TOPBP1: variants seen among roughly 807,000 people sequenced by gnomAD.
TOPBP1 encodes DNA topoisomerase 2-binding protein 1.
In TOPBP1, 28 loss-of-function variants were observed where a neutral mutation model predicts 167.7. That is an observed-to-expected ratio of 0.17 (90% CI 0.12 to 0.23). The LOEUF (loss-of-function observed/expected upper bound fraction) is 0.23, where lower values mean the gene tolerates loss of function less well. TOPBP1 is among the 10% of genes least tolerant of loss of function. The pLI, the probability that TOPBP1 is intolerant of heterozygous loss-of-function variation, is 1.00. For missense variants in TOPBP1, 1,554 were observed against 1,809.6 expected (o/e 0.86, Z 2.56); for synonymous variants, 598 against 611.4 (o/e 0.98, Z 0.32).
chr3:133,658,624 C>T (rs534452537), intron 3 of TOPBP1, among the ~76,000 whole-genome samples: 1 of 152,194 alleles, frequency 6.6e-6, no homozygotes, highest in Non-Finnish European at 1.5e-5. Context: ...GCCTGGCCAA[C>T]ATCGAGAAAC....
At chr3:133,635,999 T>TA (rs952210828) in intron 14 of TOPBP1, among the ~76,000 whole-genome samples, 89 of 145,206 alleles carry the variant, frequency 6.1e-4, no homozygotes, top group Middle Eastern at 3.4e-3. Flanking sequence ...TAAAGAACAA[T>TA]AAAAAAAAAA....
chr3:133,616,445 C>T (rs547057142), intron 23 of TOPBP1, among the ~76,000 whole-genome samples: 1 of 152,084 alleles, frequency 6.6e-6, no homozygotes, highest in African/African-American at 2.4e-5. Flanking sequence ...TAACTGGAAA[C>T]AAACAAACAA....
At chr3:133,608,455 G>A in intron 27 of TOPBP1, 80 bp downstream of exon 27, 4 of 1,481,988 alleles carry the variant, frequency 2.7e-6, no homozygotes, top group Non-Finnish European at 3.7e-6. Flanking sequence ...ATGAGCTGAA[G>A]GTTTTGTTGT....
At position 133,608,574 on chromosome 3, in the gene TOPBP1, G is replaced by A. The variant is rs1217176085; in HGVS notation, c.4386C>T (p.Tyr1462=). The change falls in exon 27 of 28, where the codon TAC becomes TAT. Residue 1462 remains tyrosine (Y), a synonymous_variant. Coordinates refer to ENST00000260810, the MANE Select transcript of TOPBP1 (RefSeq NM_007027.4). The stretch of plus-strand genomic sequence containing the variant: ...CAGCAATGTATTCTGTTCTCAAGCA[G>A]TACACGTTCTGGGCAGCAGCTTCTG... ...NIAEAAAQNV[Y]CLRTEYIADY... The A allele has an allele frequency of 6.2e-7, 1 of 1,613,818 alleles. No individual in the cohort carries two copies. The highest frequency in any genetic ancestry group is 1.1e-5 in the South Asian group (1 of 91,082).
chr3:133,607,717 G>C (rs547856971), intron 27 of TOPBP1, among the ~76,000 whole-genome samples: 23 of 152,220 alleles, frequency 1.5e-4, no homozygotes, highest in African/African-American at 5.5e-4. Flanking sequence ...ATACTACTCA[G>C]CAATAAAAAG....
intron 10 of TOPBP1, among the ~76,000 whole-genome samples, chr3:133,647,789 C>T (rs964260647): frequency 2.0e-5 from 3 of 151,528 alleles, no homozygotes; most frequent in Admixed American, 6.6e-5. Context: ...TAGGCAATAG[C>T]GGAAGAGATG....
At chr3:133,626,139 G>T (rs1935260435) in intron 16 of TOPBP1, among the ~76,000 whole-genome samples, 1 of 152,180 alleles carries the variant, frequency 6.6e-6, no homozygotes. Flanking sequence ...TTTTGCAACT[G>T]CTCAACTTTT....
In TOPBP1 at chr3:133,644,229, T is replaced by C; in HGVS notation, c.1639A>G (p.Ile547Val). ...VSHCVPDVSTITEEGLFSQKS... is the reference protein window; with the variant it reads ...VSHCVPDVSTVTEEGLFSQKS... ...TGGCTAAATAAGCCTTCTTCAGTAA[T>C]TGTAGAAACATCAGGGACACAATGA... The change falls in exon 11 of 28, where the codon ATT (isoleucine) becomes GTT (valine). Residue 547 changes from isoleucine (I) to valine (V), a missense_variant. Ile to Val is a conservative substitution (Grantham distance 29, BLOSUM62 3). Transcript: ENST00000260810. 3 of 1,613,904 alleles carry C rather than the reference T, an allele frequency of 1.9e-6. No individual in the cohort carries two copies. The highest frequency in any genetic ancestry group is 1.7e-4 in the Middle Eastern group (1 of 6,060).
At chr3:133,603,399 T>C (rs1221512419) in intron 27 of TOPBP1, among the ~76,000 whole-genome samples, 3 of 151,348 alleles carry the variant, frequency 2.0e-5, no homozygotes, top group African/African-American at 7.3e-5. Flanking sequence ...TCCAATCATA[T>C]CAATAATTAC....
intron 14 of TOPBP1, among the ~76,000 whole-genome samples, chr3:133,629,224 C>T (rs1180672970): frequency 6.6e-6 from 1 of 152,114 alleles, no homozygotes; most frequent in Non-Finnish European, 1.5e-5. Flanking sequence ...CAGTTCCCTC[C>T]TGAAAGGAAG....
chr3:133,661,080 A>G lies in TOPBP1; in HGVS notation c.48T>C (p.Ser16=). The G allele has an allele frequency of 6.2e-7, 1 of 1,602,034 alleles. No individual in the cohort carries two copies. Among genetic ancestry groups the G allele is most frequent in the Non-Finnish European group, 8.5e-7 (1 of 1,175,466 alleles). Reference sequence around the variant, plus strand: ...TAAAAAAACATTTGGAATTGTCTGAAGACTTTAAAAACTTCACAAAAAACG... The same window carrying G: ...TAAAAAAACATTTGGAATTGTCTGAGGACTTTAAAAACTTCACAAAAAACG... ...KEPFFVKFLK[S]SDNSKCFFKA... is the part of the protein sequence containing the mutation. Residue 16 remains serine (S), a synonymous_variant, in exon 2 of 28, where the codon TCT becomes TCC. Transcript: ENST00000260810.
chr3:133,618,068 A>C (rs1005503411), intron 21 of TOPBP1, 145 bp downstream of exon 21: 19 of 651,674 alleles, frequency 2.9e-5, no homozygotes, highest in Non-Finnish European at 1.3e-5. Context: ...TTTCTGGCTC[A>C]AGTTTAAACC....
At chr3:133,639,201 G>C (rs528466799) in intron 13 of TOPBP1, among the ~76,000 whole-genome samples, 3 of 152,196 alleles carry the variant, frequency 2.0e-5, no homozygotes, top group Admixed American at 2.0e-4. Flanking sequence ...GCAAAGACTT[G>C]GAACCAACCC....
At chr3:133,659,527 C>T (rs1001324837) in intron 2 of TOPBP1, among the ~76,000 whole-genome samples, 7 of 152,110 alleles carry the variant, frequency 4.6e-5, no homozygotes, top group African/African-American at 1.7e-4. Flanking sequence ...TATTCTATTC[C>T]AGCCACTCCC....
At chr3:133,625,475 G>A (rs540656366) in intron 16 of TOPBP1, among the ~76,000 whole-genome samples, 1 of 152,322 alleles carries the variant, frequency 6.6e-6, no homozygotes, top group East Asian at 1.9e-4. Context: ...GCTCATGCCT[G>A]TAATTCCAGT....
chr3:133,612,915 T>C (rs1229494014), intron 23 of TOPBP1, among the ~76,000 whole-genome samples: 1 of 152,154 alleles, frequency 6.6e-6, no homozygotes, highest in Non-Finnish European at 1.5e-5. Context: ...TCACCCAGAC[T>C]GGAGTGCAGT....
At position 133,601,381 on chromosome 3, in the gene TOPBP1, G is replaced by C; in HGVS notation, c.4438C>G (p.His1480Asp). 6.5e-7 allele frequency: 1 copy of C among 1,535,740 alleles called. No individual in the cohort carries two copies. The highest frequency in any genetic ancestry group is 8.8e-7 in the Non-Finnish European group (1 of 1,141,026). Residue 1480 changes from histidine to aspartate, a missense_variant, in exon 28 of 28, where the codon CAT (histidine) becomes GAT (aspartate). By Grantham distance (81) the His-to-Asp change is moderately conservative. This residue lies in a region of TOPBP1 where 351 missense variants were observed against 432.9 expected (regional missense o/e 0.81). Coordinates refer to ENST00000260810, the MANE Select transcript of TOPBP1 (RefSeq NM_007027.4). ...TCTGGTAGACAGTAATTTTCTACAT[G>C]AGGAGGTGATTCCTATAAAAGGAAA... ...ADYLMQESPP[H>D]VENYCLPEAI...
chr3:133,635,443 T>A (rs1486375920), intron 14 of TOPBP1, among the ~76,000 whole-genome samples: 2 of 152,086 alleles, frequency 1.3e-5, no homozygotes, highest in Non-Finnish European at 2.9e-5. Flanking sequence ...TTGTTAGAGA[T>A]GGCGGTCTCG....
rs111890735 is a variant in TOPBP1, at chr3:133,643,615, G to C, written c.1849-243C>G. On this transcript the variant is annotated intron_variant, in intron 11 of 27. Transcript: ENST00000260810. ...TTAAAATCGGTAAGATCTATTATTA[G>C]AGTTACTGAATGTTGCTTTAAATTT... is the stretch of plus-strand genomic sequence containing the variant. 3.1e-3 allele frequency among the ~76,000 whole-genome samples: 464 copies of C among 151,978 alleles called. 3 individuals carry two copies. Among genetic ancestry groups the C allele is most frequent in the African/African-American group, 0.011 (446 of 41,444 alleles).
Sources: gnomAD v4.1 joint callset for allele counts (sites outside exome capture counted in the v4.1 genomes callset) on GRCh38, gnomAD v4.1.1 for gene constraint, gnomAD v4.1.1 regional missense constraint, MANE v1.5 for transcripts, NCBI Gene and HGNC (gene_info 2026-07-23, HGNC 2026-07-21) for gene names.